The following CCDC60 variants were observed in gnomAD, a reference collection of about 807,000 sequenced individuals.
CCDC60 encodes coiled-coil domain-containing protein 60.
In CCDC60, 54 loss-of-function variants were observed where a neutral mutation model predicts 63.5. That is an observed-to-expected ratio of 0.85 (90% confidence interval 0.68 to 1.07). The LOEUF (loss-of-function observed/expected upper bound fraction) is 1.07. CCDC60 is among the 50% of genes least tolerant of loss of function. The pLI is 0.00. For missense variants in CCDC60, 651 were observed against 684.3 expected, an observed-to-expected ratio of 0.95 and a Z score of 0.54; for synonymous variants, 206 against 238.8, an observed-to-expected ratio of 0.86 and a Z score of 1.27.
intron 2 of CCDC60, among the ~76,000 whole-genome samples, chr12:119,431,580 T>C (rs1950228572): frequency 6.6e-6 from 1 of 152,242 alleles, no homozygotes; most frequent in Non-Finnish European, 1.5e-5. Context: ...TTTTTAGTCC[T>C]ACAAAGACAA....
chr12:119,396,599 G>A (rs1477133654), intron 1 of CCDC60, among the ~76,000 whole-genome samples: 3 of 152,200 alleles, frequency 2.0e-5, no homozygotes, highest in Admixed American at 1.3e-4. Flanking sequence ...ATCAAATTGG[G>A]CCAGACACAG....
intron 1 of CCDC60, among the ~76,000 whole-genome samples, chr12:119,368,307 C>G (rs1248038434): frequency 6.6e-6 from 1 of 152,078 alleles, no homozygotes; most frequent in Non-Finnish European, 1.5e-5. Flanking sequence ...CATAGAGCTG[C>G]CATTTTATAG....
intron 1 of CCDC60, among the ~76,000 whole-genome samples, chr12:119,344,836 T>TTCTCTCTCTCTCTTTC (rs1955570818): frequency 1.9e-5 from 2 of 107,870 alleles, no homozygotes; most frequent in African/African-American, 7.1e-5. Context: ...CTCTCTCTCT[T>TTCTCTCTCTCTCTTTC]TCTCTCTCTC....
At chr12:119,467,809 T>A (rs1950979144) in intron 2 of CCDC60, among the ~76,000 whole-genome samples, 1 of 152,236 alleles carries the variant, frequency 6.6e-6, no homozygotes, top group South Asian at 2.1e-4. Context: ...AGAAAAATCC[T>A]CATGTGTGAA....
At chr12:119,452,994 A>G (rs1281211937) in intron 2 of CCDC60, among the ~76,000 whole-genome samples, 8 of 151,692 alleles carry the variant, frequency 5.3e-5, no homozygotes, top group Admixed American at 5.3e-4. Context: ...AGCTAATTTT[A>G]TTTTGTATTT....
In CCDC60 at chr12:119,539,608, G is replaced by T. The variant is rs1953100494; in HGVS notation, c.1552-1006G>T. Among the ~76,000 whole-genome samples, 4 of 152,218 alleles carry T rather than the reference G, an allele frequency of 2.6e-5. No homozygotes were observed. The South Asian group carries it at 8.3e-4, about 32-fold the overall frequency. ...AGGAATTTCAAGCCAGTGGATCTTA[G>T]CTTGCTGGGCTCCGTGGAAGTGGGA... On this transcript the variant is annotated intron_variant, in intron 13 of 13. Transcript: ENST00000327554.
chr12:119,471,274 A>C (rs1044042256), intron 2 of CCDC60, among the ~76,000 whole-genome samples: 6 of 152,248 alleles, frequency 3.9e-5, no homozygotes, highest in Admixed American at 6.5e-5. Context: ...TTGACACAGC[A>C]AGAACCCACA....
chr12:119,525,215 TG>T (rs1285609913), intron 11 of CCDC60, among the ~76,000 whole-genome samples: 1 of 152,204 alleles, frequency 6.6e-6, no homozygotes, highest in Non-Finnish European at 1.5e-5. Flanking sequence ...CTGAACAACT[TG>T]GAAAATATAT....
chr12:119,437,359 C>A (rs952570326), intron 2 of CCDC60, among the ~76,000 whole-genome samples: 1 of 152,172 alleles, frequency 6.6e-6, no homozygotes, highest in Non-Finnish European at 1.5e-5. Context: ...TTTATTCGAA[C>A]CCAGATTTTC....
intron 1 of CCDC60, among the ~76,000 whole-genome samples, chr12:119,379,819 G>A (rs1955990172): frequency 6.6e-6 from 1 of 152,194 alleles, no homozygotes; most frequent in African/African-American, 2.4e-5. Context: ...TAAAAGTTAA[G>A]TAAGCAGAAG....
intron 1 of CCDC60, among the ~76,000 whole-genome samples, chr12:119,339,877 G>A (rs1037895566): frequency 6.6e-5 from 10 of 152,254 alleles, no homozygotes; most frequent in South Asian, 2.1e-4. Context: ...GTGTCAGAGC[G>A]AGATCCTGTC....
chr12:119,482,362 G>A lies in CCDC60; in HGVS notation c.449+3161G>A, dbSNP rs115734668. On this transcript the variant is annotated intron_variant, in intron 4 of 13. Transcript: ENST00000327554. The stretch of plus-strand genomic sequence containing the variant: ...TATTATTATTATTATCACAGTGGAT[G>A]TGGTTCATATTTGTATTGGACCAGG... 9.3e-3 allele frequency among the ~76,000 whole-genome samples: 1,422 copies of A among 152,128 alleles called. 28 individuals are homozygous for A. The highest frequency in any genetic ancestry group is 0.031 in the African/African-American group (1,300 of 41,480).
intron 1 of CCDC60, among the ~76,000 whole-genome samples, chr12:119,406,947 A>G (rs1475612815): frequency 3.9e-5 from 6 of 152,222 alleles, no homozygotes; most frequent in Non-Finnish European, 8.8e-5. Flanking sequence ...TCTTTACAGC[A>G]TTCAATGTTC....
intron 2 of CCDC60, among the ~76,000 whole-genome samples, chr12:119,453,899 T>TGAC (rs1436327158): frequency 1.0e-4 from 15 of 149,386 alleles, no homozygotes; most frequent in African/African-American, 3.3e-4. Flanking sequence ...TTGATGATTG[T>TGAC]GATGATGATG....
intron 6 of CCDC60, among the ~76,000 whole-genome samples, chr12:119,501,589 C>G (rs1245623970): frequency 6.6e-6 from 1 of 152,160 alleles, no homozygotes; most frequent in East Asian, 1.9e-4. Context: ...CATTTTCTTA[C>G]TCTTTCATCA....
chr12:119,478,394 G>A (rs182618990), intron 3 of CCDC60, among the ~76,000 whole-genome samples: 127 of 151,782 alleles, frequency 8.4e-4, no homozygotes, highest in Middle Eastern at 3.4e-3. Context: ...TTTCTATAAC[G>A]GAAATGATTT....
At chr12:119,432,323 T>C (rs1397536554) in intron 2 of CCDC60, among the ~76,000 whole-genome samples, 1 of 152,212 alleles carries the variant, frequency 6.6e-6, no homozygotes, top group East Asian at 1.9e-4. Context: ...AATTGCACTC[T>C]GTTCCACAGC....
intron 2 of CCDC60, 47 bp downstream of exon 2, chr12:119,428,809 T>A: frequency 7.7e-7 from 1 of 1,292,718 alleles, no homozygotes; most frequent in Non-Finnish European, 1.1e-6. Flanking sequence ...CCAACAGGCA[T>A]GAGCAGGCTA....
chr12:119,372,243 G>A (rs1052215610), intron 1 of CCDC60, among the ~76,000 whole-genome samples: 1 of 152,018 alleles, frequency 6.6e-6, no homozygotes, highest in East Asian at 1.9e-4. Flanking sequence ...CTGGGTGACA[G>A]AGCAAGACTG....
Sources: allele counts gnomAD v4.1 joint callset (sites outside exome capture counted in the v4.1 genomes callset), GRCh38; gene constraint gnomAD v4.1.1; transcripts MANE v1.5; gene names NCBI Gene and HGNC (gene_info 2026-07-23, HGNC 2026-07-21).